The following WIPI2 variants were observed in gnomAD, a reference collection of about 807,000 sequenced individuals.
WIPI2 encodes WD repeat domain, phosphoinositide interacting 2.
Under a neutral mutation model 52.3 loss-of-function variants are expected in WIPI2, and 28 were observed. The observed-to-expected ratio is 0.54, with a 90% CI of 0.40 to 0.73. The LOEUF is 0.73. Ranked by LOEUF, WIPI2 falls within the 30% of genes least tolerant of loss-of-function variation. The pLI, the probability that WIPI2 is intolerant of heterozygous loss-of-function variation, is 0.00. For synonymous variants in WIPI2, 268 were observed against 245.0 expected, an observed-to-expected ratio of 1.09 and a Z score of -0.88; for missense variants, 506 against 602.9, an observed-to-expected ratio of 0.84 and a Z score of 1.68.
At chr7:5,215,649 C>G (rs1782776387) in intron 4 of WIPI2, among the ~76,000 whole-genome samples, 1 of 152,240 alleles carries the variant, frequency 6.6e-6, no homozygotes, top group Non-Finnish European at 1.5e-5. Context: ...GGTGAAGTCA[C>G]AGTAGAGACG....
At chr7:5,199,822 C>T (rs1781938206) in intron 3 of WIPI2, among the ~76,000 whole-genome samples, 164 bp downstream of exon 3, 1 of 152,194 alleles carries the variant, frequency 6.6e-6, no homozygotes, top group Non-Finnish European at 1.5e-5. Flanking sequence ...ACTGGTGACA[C>T]CTGTGGCCGT....
At chr7:5,203,222 T>G (rs1008345464) in intron 3 of WIPI2, among the ~76,000 whole-genome samples, 2 of 152,216 alleles carry the variant, frequency 1.3e-5, no homozygotes, top group African/African-American at 4.8e-5. Flanking sequence ...GGCAGTGCAC[T>G]GGTTGGAATA....
At chr7:5,203,351 A>C (rs1187736606) in intron 3 of WIPI2, among the ~76,000 whole-genome samples, 2 of 152,222 alleles carry the variant, frequency 1.3e-5, no homozygotes, top group Admixed American at 6.5e-5. Flanking sequence ...GCGGAGCCGC[A>C]GACACACACG....
Position 5,225,996 on chromosome 7 carries a change from A to T in WIPI2, c.848+66A>T, listed in dbSNP as rs1783410382. ...CCCTTTGTCCCCACTTGCTGCCGGGATGAGAGGTAAGCACGGACCCGCCCA... is the reference window on the plus strand; with the variant it reads ...CCCTTTGTCCCCACTTGCTGCCGGGTTGAGAGGTAAGCACGGACCCGCCCA... On this transcript the variant is annotated intron_variant, in intron 9 of 12. Transcript: ENST00000288828. 2.7e-6 allele frequency: 4 copies of T among 1,487,254 alleles called. No homozygotes were observed. The South Asian group carries it at 4.8e-5, about 18-fold the overall frequency. The allele number at this position is 1,487,254 out of a possible 1,614,324, so 92.1% of individuals were successfully genotyped here.
intron 3 of WIPI2, among the ~76,000 whole-genome samples, chr7:5,200,469 G>A (rs780919611): frequency 2.0e-5 from 3 of 152,120 alleles, no homozygotes; most frequent in Non-Finnish European, 4.4e-5. Context: ...TATCATAGCT[G>A]GGATATTGAC....
At chr7:5,200,504 C>G (rs986241817) in intron 3 of WIPI2, among the ~76,000 whole-genome samples, 3 of 152,140 alleles carry the variant, frequency 2.0e-5, no homozygotes, top group East Asian at 3.9e-4. Flanking sequence ...AGCACACTCT[C>G]CAGTCCTCCT....
chr7:5,233,273 C>T lies in WIPI2; in HGVS notation c.*2326C>T, dbSNP rs1783816417. 1 of 152,262 alleles carries T rather than the reference C, an allele frequency of 6.6e-6. No homozygotes were observed. 9.4% of individuals were successfully genotyped at this position (152,262 alleles called of 1,614,324 possible). ...ACCAGCTCCTCTTCCTCTGCTCGAA[C>T]CTATGAGTCCCAGCCTCACTGGCGG... On this transcript the variant is annotated 3_prime_UTR_variant, in exon 13 of 13. Transcript: ENST00000288828.
intron 3 of WIPI2, among the ~76,000 whole-genome samples, chr7:5,207,386 T>C (rs940539950): frequency 3.3e-5 from 5 of 152,226 alleles, no homozygotes; most frequent in Admixed American, 1.3e-4. Flanking sequence ...ATTAGTTTTG[T>C]CTTTTCTAGA....
intron 8 of WIPI2, among the ~76,000 whole-genome samples, chr7:5,223,477 G>A (rs964731101): frequency 1.3e-5 from 2 of 151,964 alleles, no homozygotes; most frequent in African/African-American, 2.4e-5. Flanking sequence ...AAACGTCACC[G>A]CTCCTCCAGC....
intron 3 of WIPI2, among the ~76,000 whole-genome samples, chr7:5,212,618 C>T (rs1782611998): frequency 6.6e-6 from 1 of 152,168 alleles, no homozygotes; most frequent in Admixed American, 6.5e-5. Flanking sequence ...ATTGCAGCCT[C>T]AACCTCCTGG....
intron 3 of WIPI2, 30 bp downstream of exon 3, chr7:5,199,688 TAAAAAA>T: frequency 7.6e-7 from 1 of 1,308,398 alleles, no homozygotes; most frequent in Non-Finnish European, 1.0e-6. Context: ...TTCCCCTTCT[TAAAAAA>T]AAAAAAAAAA....
chr7:5,199,685 T>C (rs1249150153), intron 3 of WIPI2, 27 bp downstream of exon 3: 5 of 1,473,944 alleles, frequency 3.4e-6, no homozygotes, highest in African/African-American at 1.4e-5. Context: ...TTTTTCCCCT[T>C]CTTAAAAAAA....
At position 5,229,668 on chromosome 7, in the gene WIPI2, C is replaced by G. The variant is rs756637327; in HGVS notation, c.1182C>G (p.Pro394=). 6 of 1,613,942 alleles carry G rather than the reference C, an allele frequency of 3.7e-6. No individual in the cohort carries two copies. Among genetic ancestry groups the G allele is most frequent in the Non-Finnish European group, 3.4e-6 (4 of 1,179,972 alleles). Residue 394 remains proline, a synonymous_variant, in exon 12 of 13, where the codon CCC becomes CCG. Coordinates refer to ENST00000288828, the MANE Select transcript of WIPI2 (RefSeq NM_015610.4). ...TGGACTCTGCCTCTCACGACTGCCC[C>G]TTAGTCACTCAGACATACGGCGCAG... ...EILDSASHDC[P]LVTQTYGAAA...
chr7:5,222,245 G>A (rs376525560), intron 7 of WIPI2, among the ~76,000 whole-genome samples: 6 of 152,260 alleles, frequency 3.9e-5, no homozygotes, highest in Admixed American at 3.3e-4. Flanking sequence ...CACCACGCCC[G>A]GCCCAGGCTT....
chr7:5,205,679 A>AT (rs374556373), intron 3 of WIPI2, among the ~76,000 whole-genome samples: 2 of 150,594 alleles, frequency 1.3e-5, no homozygotes, highest in South Asian at 4.2e-4. Flanking sequence ...TAATTTTTCT[A>AT]TTTTTTTTAG....
intron 3 of WIPI2, among the ~76,000 whole-genome samples, chr7:5,205,244 G>A (rs1415804209): frequency 6.6e-6 from 1 of 152,204 alleles, no homozygotes; most frequent in Non-Finnish European, 1.5e-5. Flanking sequence ...CCAAAGTGCT[G>A]GGATTACAGG....
chr7:5,202,551 T>G (rs1583550083), intron 3 of WIPI2, among the ~76,000 whole-genome samples: 1 of 148,220 alleles, frequency 6.7e-6, no homozygotes, highest in Admixed American at 6.6e-5. Context: ...ACCTGGCTGA[T>G]TTTTTTTTAA....
intron 2 of WIPI2, among the ~76,000 whole-genome samples, chr7:5,194,734 C>CA (rs1458318150): frequency 6.6e-6 from 1 of 152,178 alleles, no homozygotes; most frequent in Non-Finnish European, 1.5e-5. Context: ...CTGGGTAGCT[C>CA]AGATTGCAGA....
intron 7 of WIPI2, among the ~76,000 whole-genome samples, chr7:5,221,673 T>TG (rs1395485821): frequency 2.6e-5 from 4 of 152,224 alleles, no homozygotes; most frequent in Non-Finnish European, 5.9e-5. Flanking sequence ...GATATTAACT[T>TG]GGGGGAAGTT....
Sources: gnomAD v4.1 joint callset for allele counts (sites outside exome capture counted in the v4.1 genomes callset) on GRCh38, gnomAD v4.1.1 for gene constraint, MANE v1.5 for transcripts, NCBI Gene and HGNC (gene_info 2026-07-23, HGNC 2026-07-21) for gene names.